Variants in SPECC1 observed in about 807,000 individuals in gnomAD.
SPECC1 encodes the protein cytospin-B.
Under a neutral mutation model 104.1 loss-of-function variants are expected in SPECC1, and 62 were observed. The ratio of observed to expected loss-of-function variants is 0.60; its 90% CI spans 0.49 to 0.74. SPECC1 has a LOEUF of 0.74. SPECC1 is among the 30% of genes least tolerant of loss of function. The probability of loss-of-function intolerance (pLI) is 0.00; values close to 1 mark genes in which losing one functional copy is unlikely to be tolerated. For missense variants in SPECC1, 1,306 were observed against 1,310.5 expected, an observed-to-expected ratio of 1.00 and a Z score of 0.05; for synonymous variants, 513 against 501.6, an observed-to-expected ratio of 1.02 and a Z score of -0.30.
chr17:20,140,263 CTTG>C (rs1055190796), intron 3 of SPECC1, among the ~76,000 whole-genome samples: 2 of 152,132 alleles, frequency 1.3e-5, no homozygotes, highest in Admixed American at 6.6e-5. Context: ...TTACAGTGGT[CTTG>C]TTGATTGAAG....
chr17:20,124,543 T>C lies in SPECC1; in HGVS notation c.283+13981T>C, dbSNP rs182396862. Among the ~76,000 whole-genome samples the C allele has an allele frequency of 1.1e-4, 16 of 152,338 alleles. No individual in the cohort carries two copies. In the East Asian group the frequency reaches 3.1e-3, roughly 29 times the overall value. On this transcript the variant is annotated intron_variant, in intron 3 of 14. Transcript: ENST00000395527. ...CAGAATGCCAGGAATGAGTTTGTTC[T>C]TGTTTTCATAATTTTAGAGAGGTCA... is the stretch of plus-strand genomic sequence containing the variant.
In SPECC1 at chr17:20,316,430, C is replaced by T. The variant is rs1328048369; in HGVS notation, c.*2365C>T. 6 of 201,900 alleles carry T rather than the reference C, an allele frequency of 3.0e-5. No individual in the cohort carries two copies. In the East Asian group the frequency reaches 3.8e-4, roughly 13 times the overall value. 12.5% of individuals were successfully genotyped at this position (201,900 alleles called of 1,614,324 possible). The stretch of plus-strand genomic sequence containing the variant: ...TGCCCAGGCTGGAGGGCAATAGCAC[C>T]GTCTCAGCTCACTGCAACCTCCGCC... On this transcript the variant is annotated 3_prime_UTR_variant, in exon 15 of 15. Coordinates refer to ENST00000395527, the MANE Select transcript of SPECC1 (RefSeq NM_001243439.2).
At chr17:20,298,948 A>AGAGAGAGAGAGG in intron 13 of SPECC1, among the ~76,000 whole-genome samples, 5 of 49,070 alleles carry the variant, frequency 1.0e-4, no homozygotes, top group Admixed American at 2.1e-4. Context: ...AGAGAGAGAG[A>AGAGAGAGAGAGG]GTGTGTGTGT....
intron 3 of SPECC1, among the ~76,000 whole-genome samples, chr17:20,176,057 T>C (rs2151201866): frequency 6.6e-6 from 1 of 152,348 alleles, no homozygotes; most frequent in East Asian, 1.9e-4. Context: ...AGAAGTTTTT[T>C]TCTTCATGCT....
intron 13 of SPECC1, among the ~76,000 whole-genome samples, chr17:20,299,428 C>T (rs141349928): frequency 1.9e-3 from 289 of 151,370 alleles, no homozygotes; most frequent in Middle Eastern, 6.8e-3. Context: ...AGCTTGGTGG[C>T]GCACATCTGA....
At chr17:20,158,434 C>A (rs1490010297) in intron 3 of SPECC1, among the ~76,000 whole-genome samples, 1 of 152,174 alleles carries the variant, frequency 6.6e-6, no homozygotes, top group African/African-American at 2.4e-5. Context: ...AGCTTTTGAT[C>A]ATGATGCAGA....
intron 12 of SPECC1, among the ~76,000 whole-genome samples, chr17:20,286,671 G>T (rs1368874465): frequency 1.3e-5 from 2 of 152,154 alleles, no homozygotes; most frequent in African/African-American, 2.4e-5. Context: ...TCTGCCTGGT[G>T]CCCAGTATAT....
Position 20,257,592 on chromosome 17 carries a change from C to T in SPECC1, c.2822C>T (p.Pro941Leu). 1.2e-6 allele frequency: 2 copies of T among 1,612,312 alleles called. No individual in the cohort carries two copies. The highest frequency in any genetic ancestry group is 1.7e-6 in the Non-Finnish European group (2 of 1,179,612). Reference sequence around the variant, plus strand: ...AGTGCTTCCACCCGGGCATGGAAACCACAAAGCAAACTCAGGTATCGTGTT... The same window carrying T: ...AGTGCTTCCACCCGGGCATGGAAACTACAAAGCAAACTCAGGTATCGTGTT... Reference protein sequence around the residue: ...LLSASTRAWKPQSKLSVERKD... With the variant: ...LLSASTRAWKLQSKLSVERKD... Residue 941 changes from proline (P) to leucine (L), a missense_variant, in exon 11 of 15, where the codon CCA becomes CTA. This residue lies in a region of SPECC1 where 129 missense variants were observed against 170.6 expected (regional missense o/e 0.76). Transcript: ENST00000395527.
At position 20,204,710 on chromosome 17, in the gene SPECC1, G is replaced by A; in HGVS notation, c.661G>A (p.Asp221Asn). ...NVDGTSVSPG[D>N]TEPMIRALEE... Reference sequence around the variant, plus strand: ...CGATGGAACATCAGTCTCCCCAGGTGACACGGAACCTATGATAAGAGCTCT... The same window carrying A: ...CGATGGAACATCAGTCTCCCCAGGTAACACGGAACCTATGATAAGAGCTCT... Residue 221 changes from aspartate (D) to asparagine (N), a missense_variant, in exon 4 of 15, where the codon GAC becomes AAC. Physicochemically the swap from Asp to Asn is conservative, Grantham distance 23 (BLOSUM62 1). This residue lies in a region of SPECC1 where 1,177 missense variants were observed against 1,139.9 expected (regional missense o/e 1.03). Transcript: ENST00000395527. The A allele has an allele frequency of 4.3e-6, 7 of 1,614,042 alleles. No homozygotes were observed. Among genetic ancestry groups the A allele is most frequent in the African/African-American group, 1.3e-5 (1 of 74,994 alleles).
At chr17:20,215,406 G>A (rs1836612330) in intron 4 of SPECC1, among the ~76,000 whole-genome samples, 2 of 152,216 alleles carry the variant, frequency 1.3e-5, no homozygotes, top group African/African-American at 4.8e-5. Context: ...TAAGTCAAAA[G>A]CCAAGTAAAA....
intron 4 of SPECC1, among the ~76,000 whole-genome samples, chr17:20,216,199 A>G (rs954732897): frequency 6.6e-6 from 1 of 152,088 alleles, no homozygotes; most frequent in South Asian, 2.1e-4. Context: ...AGAGAGGAGA[A>G]TCTAGATGTG....
At chr17:20,033,183 C>T (rs139834932) in intron 1 of SPECC1, among the ~76,000 whole-genome samples, 2 of 152,026 alleles carry the variant, frequency 1.3e-5, no homozygotes, top group Admixed American at 6.6e-5. Flanking sequence ...AGGCTGGTCT[C>T]GAACTCCTGA....
intron 12 of SPECC1, among the ~76,000 whole-genome samples, chr17:20,275,768 A>G (rs1374927771): frequency 6.6e-6 from 1 of 152,200 alleles, no homozygotes. Context: ...CCGAAGGCCC[A>G]TCAGTGGTCC....
chr17:20,112,173 C>A, intron 3 of SPECC1: 14 of 763,446 alleles, frequency 1.8e-5, no homozygotes, highest in Non-Finnish European at 2.4e-6. Flanking sequence ...GTATGCTGGC[C>A]CACATGTTTA....
chr17:20,010,741 G>A (rs753784140), intron 1 of SPECC1, among the ~76,000 whole-genome samples: 4 of 152,184 alleles, frequency 2.6e-5, no homozygotes, highest in Non-Finnish European at 5.9e-5. Flanking sequence ...TCGCTGCAGT[G>A]TTGACTATTG....
intron 3 of SPECC1, among the ~76,000 whole-genome samples, chr17:20,156,764 C>A (rs1356143717): frequency 6.6e-6 from 1 of 152,188 alleles, no homozygotes; most frequent in Non-Finnish European, 1.5e-5. Flanking sequence ...CTTCCTCAGT[C>A]CTGAGTGAGC....
intron 2 of SPECC1, among the ~76,000 whole-genome samples, chr17:20,099,826 A>G (rs2047855850): frequency 6.6e-6 from 1 of 152,164 alleles, no homozygotes; most frequent in South Asian, 2.1e-4. Context: ...ATGTTTTGGA[A>G]ACTTGTTCCA....
chr17:20,205,917 G>A lies in SPECC1; in HGVS notation c.1863+5G>A, dbSNP rs1421778973. On this transcript the variant is annotated splice_donor_5th_base_variant and intron_variant, in intron 4 of 14. Coordinates refer to ENST00000395527, the MANE Select transcript of SPECC1 (RefSeq NM_001243439.2). ...GTTTCCAGTCTGCTGGCCAAGGTGA[G>A]AAGAGACAGCTCTTTACTGGTATTT... The A allele has an allele frequency of 6.2e-7, 1 of 1,601,470 alleles. No individual in the cohort carries two copies. The highest frequency in any genetic ancestry group is 2.2e-5 in the East Asian group (1 of 44,848).
chr17:20,103,534 A>G (rs540007134), intron 2 of SPECC1, among the ~76,000 whole-genome samples: 20 of 152,282 alleles, frequency 1.3e-4, no homozygotes, highest in African/African-American at 4.8e-4. Context: ...GCTGAATTAC[A>G]GTGTTCAGAA....
Sources: gnomAD v4.1 joint callset for allele counts (sites outside exome capture counted in the v4.1 genomes callset) on GRCh38, gnomAD v4.1.1 for gene constraint, gnomAD v4.1.1 regional missense constraint, MANE v1.5 for transcripts, NCBI Gene and HGNC (gene_info 2026-07-23, HGNC 2026-07-21) for gene names.